ALOX5: variants seen among roughly 807,000 people sequenced by gnomAD.
The protein encoded by ALOX5 is arachidonate 5-lipoxygenase.
ALOX5 carries 64 observed loss-of-function variants against 87.9 expected under a neutral mutation model. The ratio of observed to expected loss-of-function variants is 0.73; its 90% confidence interval spans 0.60 to 0.90. The LOEUF (loss-of-function observed/expected upper bound fraction) is 0.90, where lower values mean the gene tolerates loss of function less well. ALOX5 is among the 40% of genes least tolerant of loss of function. The probability of loss-of-function intolerance (pLI) is 0.00; values close to 1 mark genes in which losing one functional copy is unlikely to be tolerated. For missense variants in ALOX5, 822 were observed against 907.5 expected (o/e 0.91, Z 1.21); for synonymous variants, 388 against 355.1 (o/e 1.09, Z -1.04).
intron 3 of ALOX5, among the ~76,000 whole-genome samples, chr10:45,396,391 A>G (rs563197738): frequency 6.6e-6 from 1 of 152,320 alleles, no homozygotes; most frequent in South Asian, 2.1e-4. Flanking sequence ...AAAAAGGAAA[A>G]ATGAGACTCA....
chr10:45,439,488 G>A (rs1419256351), intron 7 of ALOX5, among the ~76,000 whole-genome samples: 1 of 152,186 alleles, frequency 6.6e-6, no homozygotes, highest in Non-Finnish European at 1.5e-5. Flanking sequence ...ATGTCTTCAT[G>A]TAAAAATGGG....
At chr10:45,400,429 A>G (rs59514896) in intron 3 of ALOX5, among the ~76,000 whole-genome samples, 7,334 of 152,100 alleles carry the variant, frequency 0.048, 303 homozygotes, top group East Asian at 0.18. Context: ...GTGAAACCCC[A>G]TGTCTACAAA....
chr10:45,435,372 A>C (rs1014661834), intron 7 of ALOX5, among the ~76,000 whole-genome samples: 2 of 152,068 alleles, frequency 1.3e-5, no homozygotes, highest in Non-Finnish European at 2.9e-5. Flanking sequence ...CCATCACTCA[A>C]ATACTGAGCA....
chr10:45,434,476 A>C (rs976678135), intron 7 of ALOX5, among the ~76,000 whole-genome samples: 2 of 152,234 alleles, frequency 1.3e-5, no homozygotes, highest in African/African-American at 4.8e-5. Flanking sequence ...TCCTCACCAT[A>C]AAATGTTGAG....
chr10:45,380,553 A>T (rs534115369), intron 1 of ALOX5, among the ~76,000 whole-genome samples: 3 of 152,308 alleles, frequency 2.0e-5, no homozygotes, highest in East Asian at 3.9e-4. Context: ...ACAAAGGATG[A>T]TACCCCTCGC....
At position 45,425,227 on chromosome 10, in the gene ALOX5, T is replaced by C. The variant is rs1488068810; in HGVS notation, c.834+95T>C. 1.7e-5 allele frequency: 24 copies of C among 1,424,392 alleles called. No individual in the cohort carries two copies. The highest frequency in any genetic ancestry group is 2.2e-5 in the Non-Finnish European group (23 of 1,064,926). The allele number at this position is 1,424,392 out of a possible 1,614,324, so 88.2% of individuals were successfully genotyped here. A position where few individuals can be genotyped will look rare whatever the true frequency, so the allele number is the denominator to read the frequency against. ...CAGTGCTCATAGGCCACCAAGACGC[T>C]AACTGCAGGCCCATCTGGCCTACAG... On this transcript the variant is annotated intron_variant, in intron 6 of 13. Transcript: ENST00000374391. This position sits in a 1 kb window ranked among gnomAD's most constrained non-coding sequence, Gnocchi z 4.4.
chr10:45,424,083 G>A lies in ALOX5; in HGVS notation c.597G>A (p.Gln199=). ...TCAACCGCTTCATGCACATGTTCCA[G>A]TCTTCTTGGAATGACTTCGCCGACT... The part of the protein sequence containing the change: ...LFINRFMHMF[Q]SSWNDFADFE... The change falls in exon 5 of 14, where the codon CAG becomes CAA. Residue 199 remains glutamine, a synonymous_variant. Coordinates refer to ENST00000374391, the MANE Select transcript of ALOX5 (RefSeq NM_000698.5). 1 of 1,614,200 alleles carries A rather than the reference G, an allele frequency of 6.2e-7. No homozygotes were observed. The highest frequency in any genetic ancestry group is 1.1e-5 in the South Asian group (1 of 91,084).
At chr10:45,382,769 G>A (rs1839887251) in intron 2 of ALOX5, 88 bp downstream of exon 2, 2 of 1,467,850 alleles carry the variant, frequency 1.4e-6, no homozygotes, top group Admixed American at 2.0e-5. Flanking sequence ...TAGGAGGAAT[G>A]ACACTGCTGT....
chr10:45,426,534 A>G (rs3780906), intron 6 of ALOX5, among the ~76,000 whole-genome samples: 107,312 of 152,198 alleles, frequency 0.71, 38,179 homozygotes, highest in East Asian at 0.79. Context: ...GTTTTTTAAA[A>G]TGTGCAGTTA....
In ALOX5 at chr10:45,428,712, T is replaced by A; in HGVS notation, c.929T>A (p.Ile310Asn). 2 of 1,614,042 alleles carry A rather than the reference T, an allele frequency of 1.2e-6. No individual in the cohort carries two copies. Among genetic ancestry groups the A allele is most frequent in the Non-Finnish European group, 1.7e-6 (2 of 1,180,014 alleles). ...ACACTCCAGTTCCTGGCCGCTCCCA[T>A]CTGCTTGCTGTATAAGAACCTGGCC... ...PCTLQFLAAPICLLYKNLANK... is the reference protein window; with the variant it reads ...PCTLQFLAAPNCLLYKNLANK... The change falls in exon 7 of 14, where the codon ATC becomes AAC. Residue 310 changes from isoleucine (I) to asparagine (N), a missense_variant. Transcript: ENST00000374391.
chr10:45,374,730 C>T (rs1442415505), intron 1 of ALOX5, among the ~76,000 whole-genome samples: 5 of 152,178 alleles, frequency 3.3e-5, no homozygotes, highest in African/African-American at 1.2e-4. Flanking sequence ...AGGAGAAGGC[C>T]CAAGGTTTCC....
intron 11 of ALOX5, 66 bp from the exon 12 acceptor site, chr10:45,443,662 G>C: frequency 5.0e-6 from 8 of 1,590,526 alleles, no homozygotes; most frequent in Non-Finnish European, 6.0e-6. Flanking sequence ...ATCCGGGCAC[G>C]GGGTGGGCGC....
At chr10:45,377,373 C>A (rs1256398947) in intron 1 of ALOX5, among the ~76,000 whole-genome samples, 2 of 151,654 alleles carry the variant, frequency 1.3e-5, no homozygotes, top group African/African-American at 4.9e-5. Context: ...TCCCCTGCTC[C>A]CAGTTCCCTA....
intron 7 of ALOX5, among the ~76,000 whole-genome samples, chr10:45,431,653 A>C (rs1287185010): frequency 6.6e-6 from 1 of 151,656 alleles, no homozygotes; most frequent in Non-Finnish European, 1.5e-5. Context: ...GCTCACTGCA[A>C]CCTCCACCTC....
intron 1 of ALOX5, among the ~76,000 whole-genome samples, chr10:45,380,460 G>C (rs1036796322): frequency 5.9e-5 from 9 of 152,228 alleles, no homozygotes; most frequent in African/African-American, 2.2e-4. Context: ...AAACACTCAA[G>C]TTCCCATTCC....
chr10:45,426,080 C>G (rs1338481159), intron 6 of ALOX5, among the ~76,000 whole-genome samples: 1 of 152,218 alleles, frequency 6.6e-6, no homozygotes, highest in East Asian at 1.9e-4. Flanking sequence ...ATGTGAACAG[C>G]TGACAGTTAC....
At chr10:45,374,769 C>T (rs1588971056) in intron 1 of ALOX5, among the ~76,000 whole-genome samples, 1 of 152,212 alleles carries the variant, frequency 6.6e-6, no homozygotes, top group Non-Finnish European at 1.5e-5. Flanking sequence ...GGCTCCGAGG[C>T]TCCGGAGCCC....
intron 3 of ALOX5, among the ~76,000 whole-genome samples, chr10:45,406,731 G>A (rs994301159): frequency 6.6e-6 from 1 of 152,116 alleles, no homozygotes; most frequent in Non-Finnish European, 1.5e-5. Flanking sequence ...TCTTTCATTG[G>A]TTCTAATCAC....
intron 4 of ALOX5, among the ~76,000 whole-genome samples, chr10:45,418,077 C>A (rs1486737529): frequency 6.6e-6 from 1 of 152,238 alleles, no homozygotes; most frequent in African/African-American, 2.4e-5. Context: ...CCTTCTGCCC[C>A]TCCTGGCCCA....
Sources: gnomAD v4.1 joint callset for allele counts (sites outside exome capture counted in the v4.1 genomes callset) on GRCh38, gnomAD v4.1.1 for gene constraint, Gnocchi (gnomAD v3.1) non-coding constraint, MANE v1.5 for transcripts, NCBI Gene and HGNC (gene_info 2026-07-23, HGNC 2026-07-21) for gene names.